TRRAP: variants seen among roughly 807,000 people sequenced by gnomAD.
TRRAP encodes the protein transformation/transcription domain-associated protein.
In TRRAP, 41 loss-of-function variants were observed where a neutral mutation model predicts 438.8. The observed-to-expected ratio is 0.09, with a 90% CI of 0.07 to 0.12. TRRAP has a LOEUF of 0.12. Ranked by LOEUF, TRRAP falls within the 10% of genes least tolerant of loss-of-function variation. The probability of loss-of-function intolerance (pLI) is 1.00; values close to 1 mark genes in which losing one functional copy is unlikely to be tolerated. For synonymous variants in TRRAP, 1,994 were observed against 1,962.9 expected (o/e 1.02, Z -0.42); for missense variants, 3,122 against 5,055.1 (o/e 0.62, Z 11.60).
At chr7:98,883,590 C>T (rs1405328533) in intron 3 of TRRAP, among the ~76,000 whole-genome samples, 4 of 152,192 alleles carry the variant, frequency 2.6e-5, no homozygotes, top group Admixed American at 2.6e-4. Flanking sequence ...TTTCAGCTCA[C>T]AGCATCCTCA....
At chr7:98,951,910 G>C (rs1554418309) in intron 39 of TRRAP, among the ~76,000 whole-genome samples, 1 of 152,092 alleles carries the variant, frequency 6.6e-6, no homozygotes. Flanking sequence ...CTTCCCCTTT[G>C]TTACCTTCTC....
intron 23 of TRRAP, 87 bp from the exon 24 acceptor site, chr7:98,929,902 A>T: frequency 1.4e-6 from 2 of 1,425,498 alleles, no homozygotes; most frequent in African/African-American, 1.4e-5. Flanking sequence ...CTTTTTATGG[A>T]GTTTCTAACT....
intron 52 of TRRAP, 94 bp downstream of exon 52, chr7:98,970,385 C>G: frequency 6.9e-7 from 1 of 1,445,230 alleles, no homozygotes. Context: ...AGACCCCGTG[C>G]CCCACGGGCA....
rs1189051877 is a variant in TRRAP at position 98,988,903 on chromosome 7, C to T, written c.9528C>T (p.Ile3176=). 3 of 1,614,028 alleles carry T rather than the reference C, an allele frequency of 1.9e-6. No individual in the cohort carries two copies. The highest frequency in any genetic ancestry group is 2.7e-5 in the African/African-American group (2 of 74,928). Residue 3176 remains isoleucine (I), a synonymous_variant, in exon 63 of 73, where the codon ATC becomes ATT. Transcript: ENST00000456197. ...AGCTGCACCTGGGCGTGTCTGCCAT[C>T]ACCTGCTACCTGCACGCCTGCCGGC... ...ERQLHLGVSA[I]TCYLHACRHQ... is the part of the protein sequence containing the mutation.
chr7:98,906,676 G>C (rs1796751601), intron 13 of TRRAP, among the ~76,000 whole-genome samples: 1 of 151,896 alleles, frequency 6.6e-6, no homozygotes, highest in Non-Finnish European at 1.5e-5. Flanking sequence ...CAGGTGATCT[G>C]CCTGCCTCAG....
intron 33 of TRRAP, among the ~76,000 whole-genome samples, chr7:98,947,599 G>A (rs1791142777): frequency 1.3e-5 from 2 of 152,072 alleles, no homozygotes; most frequent in Admixed American, 6.6e-5. Context: ...GGGACTACAG[G>A]CGCCCGCCAC....
At chr7:98,938,785 T>C (rs572948995) in intron 30 of TRRAP, among the ~76,000 whole-genome samples, 2 of 152,376 alleles carry the variant, frequency 1.3e-5, no homozygotes, top group African/African-American at 4.8e-5. Context: ...TGCTTTTATC[T>C]GTGGTGTACA....
chr7:98,891,896 GTAAA>G (rs1795998136), intron 4 of TRRAP, among the ~76,000 whole-genome samples: 1 of 152,156 alleles, frequency 6.6e-6, no homozygotes, highest in Non-Finnish European at 1.5e-5. Flanking sequence ...CAGCTTATTA[GTAAA>G]TAAAGTATTT....
At chr7:99,004,130 C>T in intron 67 of TRRAP, 60 bp from the exon 68 acceptor site, 1 of 1,470,142 alleles carries the variant, frequency 6.8e-7, no homozygotes, top group Non-Finnish European at 9.2e-7. Context: ...GCGTTTTTTG[C>T]AGTGTGTTAG....
rs1357367444 is a variant in TRRAP at position 98,967,142 on chromosome 7, T to A, written c.7278T>A (p.Asp2426Glu). 6.2e-7 allele frequency: 1 copy of A among 1,614,014 alleles called. No individual in the cohort carries two copies. Among genetic ancestry groups the A allele is most frequent in the Non-Finnish European group, 8.5e-7 (1 of 1,179,968 alleles). The stretch of plus-strand genomic sequence containing the variant: ...TTGAATTAAATGCCCAGTTTTTAGA[T>A]CTTGTTAACTATGTCTACAGGTAAT... ...EDLELNAQFL[D>E]LVNYVYRDET... The change falls in exon 50 of 73, where the codon GAT (aspartate) becomes GAA (glutamate). Residue 2426 changes from aspartate to glutamate, a missense_variant. Asp to Glu is a conservative substitution (Grantham distance 45). Around this residue, in one of 24 missense-constraint regions of TRRAP, gnomAD observed 992 missense variants for 1,281.2 expected, o/e 0.77. Coordinates refer to ENST00000456197, the MANE Select transcript of TRRAP (RefSeq NM_001375524.1).
Position 98,978,313 on chromosome 7 carries a change from C to G in TRRAP, c.8488C>G (p.His2830Asp). The G allele has an allele frequency of 6.2e-7, 1 of 1,613,636 alleles. No homozygotes were observed. The highest frequency in any genetic ancestry group is 8.5e-7 in the Non-Finnish European group (1 of 1,179,662). The change falls in exon 57 of 73, where the codon CAC becomes GAC. Residue 2830 changes from histidine to aspartate, a missense_variant. Physicochemically the swap from His to Asp is moderately conservative, Grantham distance 81. Around this residue, in one of 24 missense-constraint regions of TRRAP, gnomAD observed 992 missense variants for 1,281.2 expected, o/e 0.77. Coordinates refer to ENST00000456197, the MANE Select transcript of TRRAP (RefSeq NM_001375524.1). ...CCCTGAATACCAGCTCTGGGAAGAC[C>G]ACTGGATTCGGTAAGCCAAACACAG... ...IFPEYQLWED[H>D]WIRCSKELNQ...
chr7:98,946,959 C>T (rs969564733), intron 33 of TRRAP, among the ~76,000 whole-genome samples: 3 of 152,246 alleles, frequency 2.0e-5, no homozygotes, highest in Non-Finnish European at 4.4e-5. Flanking sequence ...GGGCATGGAG[C>T]TGGCCTTGAG....
chr7:98,895,648 T>G lies in TRRAP; in HGVS notation c.451-116T>G, dbSNP rs1554405611. On this transcript the variant is annotated intron_variant, in intron 6 of 72. Transcript: ENST00000456197. ...TATTTGTATCTTGAGCCCACCATTT[T>G]CCTTACCTCTCTTATGAGTTCTTAC... 3 of 750,840 alleles carry G rather than the reference T, an allele frequency of 4.0e-6. No homozygotes were observed. In the African/African-American group the frequency reaches 5.4e-5, roughly 14 times the overall value. The allele number at this position is 750,840 out of a possible 1,614,324, so 46.5% of individuals were successfully genotyped here.
In TRRAP at chr7:98,984,202, C is replaced by A; in HGVS notation, c.9132C>A (p.Ala3044=). The A allele has an allele frequency of 6.2e-7, 1 of 1,614,032 alleles. No individual in the cohort carries two copies. Among genetic ancestry groups the A allele is most frequent in the Non-Finnish European group, 8.5e-7 (1 of 1,179,982 alleles). ...ASAIIQYGKI[A]RKQGLVNVAL... ...CGATCATCCAGTATGGAAAAATCGC[C>A]CGGAAACAAGGACTGGTCAATGTAG... Residue 3044 remains alanine (A), a synonymous_variant, in exon 61 of 73, where the codon GCC becomes GCA. Coordinates refer to ENST00000456197, the MANE Select transcript of TRRAP (RefSeq NM_001375524.1).
At chr7:98,906,396 TTTTTGTTTTATTTA>T (rs1172498952) in intron 13 of TRRAP, 141 bp downstream of exon 13, 81 of 362,200 alleles carry the variant, frequency 2.2e-4, no homozygotes, top group Non-Finnish European at 3.1e-4. Flanking sequence ...AGGATTTTTG[TTTTTGTTTTATTTA>T]TTTATTTATT....
At chr7:98,961,676 T>C (rs951594654) in intron 46 of TRRAP, among the ~76,000 whole-genome samples, 2 of 152,190 alleles carry the variant, frequency 1.3e-5, no homozygotes, top group Admixed American at 1.3e-4. Context: ...TCCCAGCACT[T>C]TGGGAGGCCG....
At chr7:98,978,414 A>C in intron 57 of TRRAP, 91 bp downstream of exon 57, 1 of 1,200,558 alleles carries the variant, frequency 8.3e-7, no homozygotes, top group Non-Finnish European at 1.2e-6. Flanking sequence ...AGCGTTTTTT[A>C]AAGAAAGCTT....
At chr7:99,009,333 C>T (rs1794331272) in intron 70 of TRRAP, among the ~76,000 whole-genome samples, 1 of 152,174 alleles carries the variant, frequency 6.6e-6, no homozygotes, top group South Asian at 2.1e-4. Flanking sequence ...TGTCCCGAGT[C>T]ACCCAGGGAC....
intron 65 of TRRAP, among the ~76,000 whole-genome samples, chr7:98,992,560 C>CGTGTGTGTGTGTGTGTGT (rs72517544): frequency 1.7e-4 from 25 of 149,220 alleles, no homozygotes; most frequent in African/African-American, 5.7e-4. Context: ...TGCCAGCTGC[C>CGTGTGTGTGTGTGTGTGT]GTGTGTGTGT....
Sources: allele counts gnomAD v4.1 joint callset (sites outside exome capture counted in the v4.1 genomes callset), GRCh38; gene constraint gnomAD v4.1.1; regional missense constraint gnomAD v4.1.1; transcripts MANE v1.5; gene names NCBI Gene and HGNC (gene_info 2026-07-23, HGNC 2026-07-21).